PCDH11X: variants seen among roughly 807,000 people sequenced by gnomAD.
PCDH11X encodes the protein protocadherin 11 X-linked.
A neutral mutation model predicts 53.3 loss-of-function variants in PCDH11X; 18 were observed. The observed-to-expected ratio is 0.34, with a 90% CI of 0.23 to 0.50. The LOEUF (loss-of-function observed/expected upper bound fraction) is 0.50. Ranked by LOEUF, PCDH11X falls within the 20% of genes least tolerant of loss-of-function variation. The probability of loss-of-function intolerance (pLI) is 0.98; values close to 1 mark genes in which losing one functional copy is unlikely to be tolerated. For synonymous variants in PCDH11X, 279 were observed against 393.3 expected (o/e 0.71, Z 3.44); for missense variants, 570 against 1,032.4 (o/e 0.55, Z 6.14).
chrX:92,390,567 A>G (rs1368666649), intron 9 of PCDH11X, among the ~76,000 whole-genome samples: 1 of 108,393 alleles, frequency 9.2e-6, no homozygotes, highest in Non-Finnish European at 1.9e-5. Flanking sequence ...GCAGATGCCA[A>G]TAAACTGTGC....
At chrX:92,358,579 A>G (rs1454697714) in intron 8 of PCDH11X, among the ~76,000 whole-genome samples, 10 of 99,552 alleles carry the variant, frequency 1.0e-4, no homozygotes, top group African/African-American at 3.3e-4. Context: ...TGATTATTAC[A>G]TATTTCTTTG....
intron 10 of PCDH11X, among the ~76,000 whole-genome samples, chrX:92,541,791 A>G (rs1268731897): frequency 9.1e-6 from 1 of 109,521 alleles, no homozygotes; most frequent in East Asian, 2.9e-4. Flanking sequence ...CCCCGTTTCA[A>G]TACAAAAATT....
intron 6 of PCDH11X, among the ~76,000 whole-genome samples, chrX:92,148,778 G>A (rs540046131): frequency 0.074 from 7,689 of 104,173 alleles, 704 homozygotes; most frequent in African/African-American, 0.25. Flanking sequence ...ATATGTGTGT[G>A]TATATATATA....
At chrX:92,163,884 G>A (rs1193359661) in intron 6 of PCDH11X, among the ~76,000 whole-genome samples, 6 of 110,765 alleles carry the variant, frequency 5.4e-5, no homozygotes, top group East Asian at 5.7e-4. Flanking sequence ...TCTGCACCAG[G>A]GACTAGTTTT....
intron 4 of PCDH11X, among the ~76,000 whole-genome samples, chrX:91,819,828 A>G (rs71216319): frequency 3.8e-5 from 2 of 53,012 alleles, no homozygotes. Context: ...CCCCTCCCCC[A>G]ACCCCACAAC....
chrX:92,401,247 G>C (rs948752778), intron 9 of PCDH11X, among the ~76,000 whole-genome samples: 14 of 106,776 alleles, frequency 1.3e-4, no homozygotes, highest in Non-Finnish European at 1.9e-5. Context: ...TTGTCACATA[G>C]GCATAAGCAC....
intron 4 of PCDH11X, among the ~76,000 whole-genome samples, chrX:91,823,443 T>A (rs1317807510): frequency 9.0e-6 from 1 of 111,346 alleles, no homozygotes; most frequent in African/African-American, 3.3e-5. Context: ...CTTCTTTGTC[T>A]CTTTTGATCT....
intron 4 of PCDH11X, among the ~76,000 whole-genome samples, chrX:91,833,086 G>A (rs1035091688): frequency 4.2e-4 from 42 of 100,065 alleles, no homozygotes; most frequent in African/African-American, 1.5e-3. Flanking sequence ...CCACTTATAA[G>A]TCAGAATATC....
intron 9 of PCDH11X, among the ~76,000 whole-genome samples, chrX:92,434,684 T>G (rs2072329136): frequency 9.4e-6 from 1 of 106,730 alleles, no homozygotes; most frequent in African/African-American, 3.6e-5. Context: ...TAATTTTTTT[T>G]TTATCATTAT....
intron 9 of PCDH11X, among the ~76,000 whole-genome samples, chrX:92,443,712 G>T (rs1304681220): frequency 9.0e-6 from 1 of 111,157 alleles, no homozygotes; most frequent in Non-Finnish European, 1.9e-5. Flanking sequence ...TGTGGTAAAA[G>T]GTATGGATCT....
intron 8 of PCDH11X, among the ~76,000 whole-genome samples, chrX:92,267,440 C>G (rs1056337155): frequency 2.7e-5 from 3 of 112,312 alleles, no homozygotes; most frequent in Non-Finnish European, 3.8e-5. Context: ...GCTATAGTAG[C>G]AAAGCAAGTA....
At chrX:91,975,349 C>G (rs2525323) in intron 6 of PCDH11X, among the ~76,000 whole-genome samples, 1 of 112,117 alleles carries the variant, frequency 8.9e-6, no homozygotes, top group Non-Finnish European at 1.9e-5. Flanking sequence ...TGATTGGTAA[C>G]AATGCACATG....
chrX:91,984,843 G>A (rs2062204098), intron 6 of PCDH11X, among the ~76,000 whole-genome samples: 1 of 111,415 alleles, frequency 9.0e-6, no homozygotes, highest in South Asian at 3.8e-4. Flanking sequence ...CTTCTTCAAA[G>A]TCTTGGCTTT....
intron 10 of PCDH11X, among the ~76,000 whole-genome samples, chrX:92,596,325 C>G (rs1461364127): frequency 9.1e-6 from 1 of 110,435 alleles, no homozygotes; most frequent in Non-Finnish European, 1.9e-5. Flanking sequence ...TGCTGTTTTT[C>G]CATCTCTGTG....
chrX:92,424,335 T>A (rs2072058527), intron 9 of PCDH11X, among the ~76,000 whole-genome samples: 1 of 96,140 alleles, frequency 1.0e-5, no homozygotes. Context: ...TGTTCTAGTA[T>A]CTGTTAAATT....
intron 10 of PCDH11X, among the ~76,000 whole-genome samples, chrX:92,481,603 G>T (rs1386885173): frequency 1.8e-5 from 2 of 110,544 alleles, no homozygotes; most frequent in Non-Finnish European, 3.8e-5. Flanking sequence ...CAGACCAAGG[G>T]GTGCGCAGGT....
chrX:92,368,086 G>T (rs2148548102), intron 8 of PCDH11X, among the ~76,000 whole-genome samples: 1 of 101,356 alleles, frequency 9.9e-6, no homozygotes, highest in South Asian at 5.0e-4. Context: ...CCTGAAGTGT[G>T]TTTCCCAACT....
intron 8 of PCDH11X, among the ~76,000 whole-genome samples, chrX:92,309,484 G>T (rs2068900927): frequency 9.0e-6 from 1 of 111,464 alleles, no homozygotes; most frequent in African/African-American, 3.3e-5. Flanking sequence ...GATGGTTGTT[G>T]CCAGGGGCTG....
intron 6 of PCDH11X, 26 bp downstream of exon 6, chrX:91,879,299 C>T: frequency 2.5e-6 from 3 of 1,209,779 alleles, no homozygotes; most frequent in South Asian, 1.8e-5. Context: ...TCTAACACAA[C>T]TTTCTAACTA....
Sources: gnomAD v4.1 joint callset for allele counts (sites outside exome capture counted in the v4.1 genomes callset) on GRCh38, gnomAD v4.1.1 for gene constraint, MANE v1.5 for transcripts, NCBI Gene and HGNC (gene_info 2026-07-23, HGNC 2026-07-21) for gene names.